STXBP5: variants seen among roughly 807,000 people sequenced by gnomAD.
STXBP5 encodes syntaxin-binding protein 5.
STXBP5 carries 50 observed loss-of-function variants against 152.4 expected under a neutral mutation model. That is an observed-to-expected ratio of 0.33 (90% CI 0.26 to 0.42). The LOEUF is 0.42. Ranked by LOEUF, STXBP5 falls within the 10% of genes least tolerant of loss-of-function variation. The pLI is 1.00. For synonymous variants in STXBP5, 492 were observed against 494.7 expected (o/e 0.99, Z 0.07); for missense variants, 1,167 against 1,388.6 (o/e 0.84, Z 2.54).
rs149413359 is a variant in STXBP5, at chr6:147,278,789, G to A, written c.838+585G>A. On this transcript the variant is annotated intron_variant, in intron 8 of 27. Coordinates refer to ENST00000321680, the MANE Select transcript of STXBP5 (RefSeq NM_001127715.4). Reference sequence around the variant, plus strand: ...ACACATGAAGTTTAGAGGAAACCAGGCTCAAGCTTCTTGGAGTTATTTTCT... The same window carrying A: ...ACACATGAAGTTTAGAGGAAACCAGACTCAAGCTTCTTGGAGTTATTTTCT... Among the ~76,000 whole-genome samples, 706 of 152,254 alleles carry A rather than the reference G, an allele frequency of 4.6e-3. 5 individuals are homozygous for A. Among genetic ancestry groups the A allele is most frequent in the South Asian group, 0.017 (84 of 4,818 alleles).
intron 26 of STXBP5, among the ~76,000 whole-genome samples, chr6:147,374,590 G>A (rs1030872016): frequency 3.3e-5 from 5 of 151,842 alleles, no homozygotes; most frequent in Non-Finnish European, 7.4e-5. Context: ...AATTTATAAC[G>A]TTATATAAAA....
chr6:147,383,253 C>T (rs1352087408), intron 27 of STXBP5, among the ~76,000 whole-genome samples: 1 of 152,024 alleles, frequency 6.6e-6, no homozygotes, highest in Non-Finnish European at 1.5e-5. Flanking sequence ...AGCAAAGCTA[C>T]CAGCTTTGCA....
At chr6:147,245,218 A>G in intron 4 of STXBP5, among the ~76,000 whole-genome samples, 1 of 152,034 alleles carries the variant, frequency 6.6e-6, no homozygotes, top group Admixed American at 6.5e-5. Flanking sequence ...CTGGGGGGTT[A>G]GGACTTCACC....
chr6:147,368,201 A>G (rs1785380956), intron 25 of STXBP5, among the ~76,000 whole-genome samples: 1 of 152,136 alleles, frequency 6.6e-6, no homozygotes, highest in African/African-American at 2.4e-5. Flanking sequence ...AGTTATTATA[A>G]GAAAAGAAAA....
At chr6:147,236,552 T>C (rs1480269371) in intron 3 of STXBP5, among the ~76,000 whole-genome samples, 1 of 151,744 alleles carries the variant, frequency 6.6e-6, no homozygotes, top group Non-Finnish European at 1.5e-5. Flanking sequence ...AACTAGACTA[T>C]AGACCTTTAT....
At chr6:147,329,396 T>A (rs909642646) in intron 18 of STXBP5, among the ~76,000 whole-genome samples, 1 of 150,204 alleles carries the variant, frequency 6.7e-6, no homozygotes, top group African/African-American at 2.4e-5. Flanking sequence ...GTGTTTTAAA[T>A]AAAAATTAAA....
intron 19 of STXBP5, 111 bp downstream of exon 19, chr6:147,334,333 T>G: frequency 1.1e-6 from 1 of 877,558 alleles, no homozygotes; most frequent in South Asian, 2.0e-5. Flanking sequence ...ACGAAAACTT[T>G]TGTGTCACGT....
rs73586354 is a variant in STXBP5 at position 147,347,975 on chromosome 6, T to C, written c.2255-5348T>C. ...ATGTTGGGTGATTGTTTTTAATGTA[T>C]ACTTTTCTGTATTATTTGAATTCTT... On this transcript the variant is annotated intron_variant, in intron 21 of 27. Transcript: ENST00000321680. Among the ~76,000 whole-genome samples, 573 of 152,346 alleles carry C rather than the reference T, an allele frequency of 3.8e-3. 3 individuals carry two copies. The highest frequency in any genetic ancestry group is 0.013 in the African/African-American group (550 of 41,594).
chr6:147,255,686 C>T (rs1232758942), intron 4 of STXBP5, among the ~76,000 whole-genome samples: 1 of 152,040 alleles, frequency 6.6e-6, no homozygotes, highest in Non-Finnish European at 1.5e-5. Context: ...CCAGGCTATA[C>T]ATTTCTTGTA....
In STXBP5 at chr6:147,314,185, A is replaced by ACC. The variant is rs1252527773; in HGVS notation, c.1294-78_1294-77insCC. 3.0e-4 allele frequency: 363 copies of ACC among 1,223,762 alleles called. 2 individuals carry two copies. The African/African-American group carries it at 5.9e-3, about 20-fold the overall frequency. 75.8% of individuals were successfully genotyped at this position (1,223,762 alleles called of 1,614,324 possible). On this transcript the variant is annotated intron_variant, in intron 12 of 27. Transcript: ENST00000321680. ...ATATGTTTTTCACTGGATTATTTAC[A>ACC]CACACACACACACACACACACACAC...
chr6:147,376,044 A>G (rs1021735489), intron 26 of STXBP5, among the ~76,000 whole-genome samples: 6 of 152,340 alleles, frequency 3.9e-5, no homozygotes, highest in South Asian at 2.1e-4. Flanking sequence ...CTTGGATGGG[A>G]TGTCAGAGAC....
At chr6:147,306,358 G>T (rs907662677) in intron 9 of STXBP5, among the ~76,000 whole-genome samples, 11 of 152,234 alleles carry the variant, frequency 7.2e-5, no homozygotes, top group African/African-American at 2.7e-4. Context: ...GGAACATGGA[G>T]GGGGCCCCCA....
At position 147,382,823 on chromosome 6, in the gene STXBP5, A is replaced by G. The variant is rs1786155231; in HGVS notation, c.3239A>G (p.His1080Arg). 1.2e-6 allele frequency: 2 copies of G among 1,613,462 alleles called. No homozygotes were observed. Among genetic ancestry groups the G allele is most frequent in the Admixed American group, 1.7e-5 (1 of 59,940 alleles). ...AAGGCTTCAAGGAGCCTTGCACAGC[A>G]TATTCCTGGCCCTGGTGGCATTGAA... Reference protein sequence around the residue: ...SGKASRSLAQHIPGPGGIEGV... With the variant: ...SGKASRSLAQRIPGPGGIEGV... Residue 1080 changes from histidine to arginine, a missense_variant, in exon 27 of 28, where the codon CAT becomes CGT. Transcript: ENST00000321680.
intron 4 of STXBP5, among the ~76,000 whole-genome samples, chr6:147,242,421 C>T (rs534324826): frequency 2.9e-4 from 44 of 152,030 alleles, no homozygotes; most frequent in African/African-American, 1.0e-3. Context: ...ACTAAGAGTC[C>T]AGTGTTTATA....
intron 25 of STXBP5, among the ~76,000 whole-genome samples, chr6:147,373,322 C>T (rs931051475): frequency 7.5e-6 from 1 of 132,778 alleles, no homozygotes; most frequent in African/African-American, 2.9e-5. Flanking sequence ...GCCAAGATCG[C>T]ATCACTGCAC....
At chr6:147,290,778 A>G (rs1264583660) in intron 8 of STXBP5, among the ~76,000 whole-genome samples, 1 of 152,238 alleles carries the variant, frequency 6.6e-6, no homozygotes, top group African/African-American at 2.4e-5. Flanking sequence ...TTCATTTAGC[A>G]AGTTGAAATT....
At chr6:147,224,737 C>T (rs142762013) in intron 2 of STXBP5, among the ~76,000 whole-genome samples, 145 of 152,192 alleles carry the variant, frequency 9.5e-4, no homozygotes, top group Non-Finnish European at 1.8e-3. Flanking sequence ...ATGAAGAAAT[C>T]AAAGGTTTCT....
intron 19 of STXBP5, among the ~76,000 whole-genome samples, chr6:147,336,408 C>T (rs1479278514): frequency 5.9e-5 from 9 of 151,382 alleles, no homozygotes. Context: ...GTTTTTTAAC[C>T]TTCATTCCTG....
chr6:147,301,532 GT>G (rs1464125843), intron 9 of STXBP5, among the ~76,000 whole-genome samples: 5 of 152,248 alleles, frequency 3.3e-5, no homozygotes, highest in South Asian at 4.1e-4. Context: ...CAGTCAAAAA[GT>G]TTTAACCTTA....
Sources: allele counts gnomAD v4.1 joint callset (sites outside exome capture counted in the v4.1 genomes callset), GRCh38; gene constraint gnomAD v4.1.1; transcripts MANE v1.5; gene names NCBI Gene and HGNC (gene_info 2026-07-23, HGNC 2026-07-21).